The following CAMTA1 variants were observed in gnomAD, a reference collection of about 807,000 sequenced individuals.
CAMTA1 encodes calmodulin binding transcription activator 1, also known as calmodulin-binding transcription activator 1.
Under a neutral mutation model 170.9 loss-of-function variants are expected in CAMTA1, and 27 were observed. The observed-to-expected ratio is 0.16, with a 90% CI of 0.12 to 0.22. The LOEUF is 0.22. Among genes scored for constraint, CAMTA1 ranks in the 10% least tolerant of loss-of-function variants. CAMTA1 has a pLI of 1.00. For synonymous variants in CAMTA1, 833 were observed against 891.5 expected, an observed-to-expected ratio of 0.93 and a Z score of 1.17; for missense variants, 1,619 against 2,217.2, an observed-to-expected ratio of 0.73 and a Z score of 5.42.
chr1:6,887,625 T>G lies in CAMTA1; in HGVS notation c.234+62415T>G. The G allele has an allele frequency of 6.5e-7, 1 of 1,532,870 alleles. No individual in the cohort carries two copies. Among genetic ancestry groups the G allele is most frequent in the Non-Finnish European group, 8.7e-7 (1 of 1,145,726 alleles). 95.0% of individuals were successfully genotyped at this position (1,532,870 alleles called of 1,614,324 possible). On this transcript the variant is annotated intron_variant, in intron 3 of 22. Transcript: ENST00000303635. The surrounding 1 kb of genome is among the most constrained non-coding windows in gnomAD (Gnocchi z 4.1). ...AAAAACAGAAATAGAAGCGACGGTTTTGACCCATTTTACACCTATTTATTT... is the reference window on the plus strand; with the variant it reads ...AAAAACAGAAATAGAAGCGACGGTTGTGACCCATTTTACACCTATTTATTT...
Position 7,467,574 on chromosome 1 carries a change from C to T in CAMTA1, c.439-256C>T, listed in dbSNP as rs556540539. Among the ~76,000 whole-genome samples, 21 of 152,340 alleles carry T rather than the reference C, an allele frequency of 1.4e-4. 1 individual carries two copies. The highest frequency in any genetic ancestry group is 3.3e-4 in the Admixed American group (5 of 15,302). On this transcript the variant is annotated intron_variant, in intron 5 of 22. Transcript: ENST00000303635. The stretch of plus-strand genomic sequence containing the variant: ...GTCCTTGGCTGTCCTGGGTTCTCGA[C>T]GCCTCTATGGCTCCCGGAGGGTAAG...
chr1:7,350,996 C>T (rs1270322387), intron 5 of CAMTA1, among the ~76,000 whole-genome samples: 1 of 152,244 alleles, frequency 6.6e-6, no homozygotes. Flanking sequence ...AGCAGCTGCC[C>T]ATGGGTCCTC....
intron 5 of CAMTA1, among the ~76,000 whole-genome samples, chr1:7,466,956 C>A (rs990532921): frequency 6.6e-6 from 1 of 152,092 alleles, no homozygotes; most frequent in Admixed American, 6.5e-5. Flanking sequence ...TCTCCTTAGG[C>A]CCCTTTCTCC....
intron 5 of CAMTA1, among the ~76,000 whole-genome samples, chr1:7,309,304 T>C (rs1014575742): frequency 1.3e-4 from 18 of 133,606 alleles, no homozygotes; most frequent in Non-Finnish European, 2.3e-4. Context: ...TTTTTTTTTT[T>C]TTTTTTTTTT....
intron 5 of CAMTA1, among the ~76,000 whole-genome samples, chr1:7,253,958 A>G (rs946132202): frequency 1.1e-4 from 17 of 152,066 alleles, no homozygotes; most frequent in African/African-American, 4.1e-4. Context: ...TGGGGAGACT[A>G]AAAAAATCAA....
chr1:7,174,882 T>C (rs906585101), intron 4 of CAMTA1, among the ~76,000 whole-genome samples: 5 of 152,208 alleles, frequency 3.3e-5, no homozygotes, highest in African/African-American at 1.2e-4. Flanking sequence ...GGTTTTTCCC[T>C]GCTGTGTGTC....
chr1:7,578,451 C>T (rs530953144), intron 6 of CAMTA1, among the ~76,000 whole-genome samples: 2 of 152,226 alleles, frequency 1.3e-5, no homozygotes, highest in Non-Finnish European at 2.9e-5. Context: ...AAGGGCCAAG[C>T]GGTGTGGAGG....
intron 5 of CAMTA1, among the ~76,000 whole-genome samples, chr1:7,278,526 A>G (rs1029006812): frequency 6.6e-6 from 1 of 152,226 alleles, no homozygotes. Context: ...CAACTCTGCA[A>G]TGTTTCATCG....
chr1:7,149,412 A>G (rs1279225016), intron 4 of CAMTA1, among the ~76,000 whole-genome samples: 2 of 152,190 alleles, frequency 1.3e-5, no homozygotes, highest in African/African-American at 2.4e-5. Flanking sequence ...CTCTGCTGCC[A>G]TCAAATGTAG....
Position 7,499,264 on chromosome 1 carries a change from TGTAG to T in CAMTA1, c.510+31364_510+31367del, listed in dbSNP as rs765761851. Among the ~76,000 whole-genome samples, 26 of 124,362 alleles carry T rather than the reference TGTAG, an allele frequency of 2.1e-4. 3 individuals are homozygous for T. Among genetic ancestry groups the T allele is most frequent in the African/African-American group, 5.5e-4 (17 of 30,746 alleles). 81.6% of individuals were successfully genotyped at this position (124,362 alleles called of 152,430 possible). Reference sequence around the variant, plus strand: ...GTGCATGTGTGTACATGAGTGAGTGTGTAGAGAGGATGGTGTGAGCCTGGTGTGC... The same window carrying T: ...GTGCATGTGTGTACATGAGTGAGTGTAGAGGATGGTGTGAGCCTGGTGTGC... On this transcript the variant is annotated intron_variant, in intron 6 of 22. Coordinates refer to ENST00000303635, the MANE Select transcript of CAMTA1 (RefSeq NM_015215.4).
intron 6 of CAMTA1, among the ~76,000 whole-genome samples, chr1:7,628,048 G>C (rs565599004): frequency 1.3e-5 from 2 of 152,204 alleles, no homozygotes. Context: ...ACTGACTTTG[G>C]GGGAGGAAGA....
chr1:7,276,278 C>CAT lies in CAMTA1; in HGVS notation c.438+26677_438+26678dup, dbSNP rs1210333666. The stretch of plus-strand genomic sequence containing the variant: ...AATCTACAGAAAGCCTACACCTGAT[C>CAT]ATATATATATATATATATATATATA... On this transcript the variant is annotated intron_variant, in intron 5 of 22. Transcript: ENST00000303635. 1.7e-3 allele frequency among the ~76,000 whole-genome samples: 102 copies of CAT among 58,540 alleles called. 3 individuals carry two copies. Among genetic ancestry groups the CAT allele is most frequent in the East Asian group, 6.6e-3 (13 of 1,980 alleles). 38.4% of individuals were successfully genotyped at this position (58,540 alleles called of 152,430 possible).
At chr1:7,531,713 A>G (rs1450613328) in intron 6 of CAMTA1, among the ~76,000 whole-genome samples, 2 of 152,224 alleles carry the variant, frequency 1.3e-5, no homozygotes, top group Admixed American at 6.5e-5. Context: ...AAAGTCTTGA[A>G]GTTGAGCTGC....
intron 22 of CAMTA1, among the ~76,000 whole-genome samples, chr1:7,765,985 C>CCACTGCACTCCAGCCTGGGTAA (rs2097019839): frequency 6.7e-6 from 1 of 150,128 alleles, no homozygotes; most frequent in South Asian, 2.1e-4. Flanking sequence ...CGAGATGGTG[C>CCACTGCACTCCAGCCTGGGTAA]CACTGCACTC....
At chr1:6,992,304 T>A (rs1696513943) in intron 3 of CAMTA1, among the ~76,000 whole-genome samples, 1 of 151,786 alleles carries the variant, frequency 6.6e-6, no homozygotes, top group Non-Finnish European at 1.5e-5. Context: ...ACTCCTGGGC[T>A]CAAGTGATCT....
At position 7,677,586 on chromosome 1, in the gene CAMTA1, C is replaced by A. The variant is rs770422645; in HGVS notation, c.2780-13C>A. 21 of 1,611,356 alleles carry A rather than the reference C, an allele frequency of 1.3e-5. No homozygotes were observed. The African/African-American group carries it at 2.8e-4, about 22-fold the overall frequency. On this transcript the variant is annotated splice_polypyrimidine_tract_variant and intron_variant, in intron 10 of 22. Transcript: ENST00000303635. ...ACCCATCCCTTGACCTGGTCTTTTT[C>A]TCTCGCTTTCAGCCCATGACACTGG...
chr1:6,981,459 G>A (rs1312933558), intron 3 of CAMTA1, among the ~76,000 whole-genome samples: 3 of 152,040 alleles, frequency 2.0e-5, no homozygotes, highest in African/African-American at 7.2e-5. Context: ...TTGAGGCAGG[G>A]TCTCACTCTG....
At chr1:6,905,187 C>CCTTTTTTTTT (rs1404612037) in intron 3 of CAMTA1, among the ~76,000 whole-genome samples, 1 of 131,250 alleles carries the variant, frequency 7.6e-6, no homozygotes, top group East Asian at 2.4e-4. Context: ...TTGCCTTGTT[C>CCTTTTTTTTT]CTTTTTTTTT....
intron 6 of CAMTA1, among the ~76,000 whole-genome samples, chr1:7,537,186 C>T (rs2094559323): frequency 6.6e-6 from 1 of 152,200 alleles, no homozygotes; most frequent in Non-Finnish European, 1.5e-5. Context: ...GACGCATTGC[C>T]CCACGGTTTA....
Sources: gnomAD v4.1 joint callset for allele counts (sites outside exome capture counted in the v4.1 genomes callset) on GRCh38, gnomAD v4.1.1 for gene constraint, Gnocchi (gnomAD v3.1) non-coding constraint, MANE v1.5 for transcripts, NCBI Gene and HGNC (gene_info 2026-07-23, HGNC 2026-07-21) for gene names.